The following SETBP1 variants were observed in gnomAD, a reference collection of about 807,000 sequenced individuals.
SETBP1 encodes the protein SET-binding protein.
SETBP1 carries 9 observed loss-of-function variants against 101.0 expected under a neutral mutation model. The observed-to-expected ratio is 0.09, with a 90% CI of 0.05 to 0.16. The LOEUF is 0.16. Ranked by LOEUF, SETBP1 falls within the 10% of genes least tolerant of loss-of-function variation. The pLI is 1.00. For missense variants in SETBP1, 1,858 were observed against 2,033.8 expected (o/e 0.91, Z 1.66); for synonymous variants, 818 against 788.5 (o/e 1.04, Z -0.63).
intron 3 of SETBP1, among the ~76,000 whole-genome samples, chr18:44,925,907 C>T (rs1277461963): frequency 6.6e-6 from 1 of 152,004 alleles, no homozygotes; most frequent in Non-Finnish European, 1.5e-5. Flanking sequence ...CAAGGTCATG[C>T]CACTAATTAA....
chr18:44,961,057 G>C (rs2071600457), intron 4 of SETBP1, among the ~76,000 whole-genome samples: 1 of 152,210 alleles, frequency 6.6e-6, no homozygotes, highest in Non-Finnish European at 1.5e-5. Flanking sequence ...ATGATGAGGG[G>C]CTTAGGCAGC....
intron 4 of SETBP1, among the ~76,000 whole-genome samples, chr18:45,011,498 A>G (rs533841008): frequency 6.6e-6 from 1 of 152,312 alleles, no homozygotes; most frequent in Admixed American, 6.5e-5. Flanking sequence ...TGCTTCCTTC[A>G]TCCACAGAGT....
chr18:44,844,996 CGGTGACAG>C (rs2072696764), intron 2 of SETBP1, among the ~76,000 whole-genome samples: 1 of 151,960 alleles, frequency 6.6e-6, no homozygotes, highest in Non-Finnish European at 1.5e-5. Context: ...TGATGGGAAT[CGGTGACAG>C]ACAAGGTGTG....
intron 3 of SETBP1, among the ~76,000 whole-genome samples, chr18:44,887,759 C>T (rs963263749): frequency 6.6e-6 from 1 of 152,020 alleles, no homozygotes; most frequent in Non-Finnish European, 1.5e-5. Context: ...AAAAGGCAGG[C>T]AGAAAGTAGT....
chr18:44,905,667 G>A (rs913687581), intron 3 of SETBP1, among the ~76,000 whole-genome samples: 1 of 152,178 alleles, frequency 6.6e-6, no homozygotes, highest in South Asian at 2.1e-4. Context: ...AACATTCACA[G>A]CATTCAGTAT....
intron 2 of SETBP1, among the ~76,000 whole-genome samples, chr18:44,719,674 C>A (rs2069542279): frequency 6.6e-6 from 1 of 152,214 alleles, no homozygotes; most frequent in African/African-American, 2.4e-5. Flanking sequence ...TTCTGGATAC[C>A]TGCCTTTCCT....
chr18:44,910,844 A>G (rs1223705632), intron 3 of SETBP1, among the ~76,000 whole-genome samples: 1 of 152,102 alleles, frequency 6.6e-6, no homozygotes, highest in Non-Finnish European at 1.5e-5. Context: ...TGGTCCCTCC[A>G]TGTGTTCAAG....
intron 1 of SETBP1, among the ~76,000 whole-genome samples, chr18:44,682,960 T>C (rs1035918865): frequency 2.6e-5 from 4 of 151,258 alleles, no homozygotes; most frequent in Admixed American, 1.3e-4. Context: ...AAGGGACTCG[T>C]CTCTCTTAGC....
intron 2 of SETBP1, among the ~76,000 whole-genome samples, chr18:44,860,398 G>T (rs1264763109): frequency 1.3e-5 from 2 of 152,160 alleles, no homozygotes; most frequent in African/African-American, 4.8e-5. Context: ...TACATTAGTT[G>T]TTCTTTCCAA....
chr18:44,751,837 A>G (rs1176957967), intron 2 of SETBP1, among the ~76,000 whole-genome samples: 1 of 152,196 alleles, frequency 6.6e-6, no homozygotes, highest in Non-Finnish European at 1.5e-5. Context: ...TCTGGTAGCT[A>G]GGAAGTCCAA....
chr18:44,868,934 T>A (rs1219305738), intron 2 of SETBP1, among the ~76,000 whole-genome samples: 8 of 152,182 alleles, frequency 5.3e-5, no homozygotes, highest in Admixed American at 5.2e-4. Flanking sequence ...ATGGACCTGA[T>A]GAAGGCCATC....
At chr18:44,816,712 G>A (rs758286008) in intron 2 of SETBP1, among the ~76,000 whole-genome samples, 5 of 152,114 alleles carry the variant, frequency 3.3e-5, no homozygotes, top group South Asian at 4.2e-4. Context: ...ATAGAACACC[G>A]CAGTTCAACA....
At chr18:44,979,538 C>T (rs1431980743) in intron 4 of SETBP1, among the ~76,000 whole-genome samples, 1 of 152,134 alleles carries the variant, frequency 6.6e-6, no homozygotes, top group African/African-American at 2.4e-5. Flanking sequence ...AAAGTGATCA[C>T]AAAGCTGTAT....
At chr18:44,929,615 C>A (rs2070781196) in intron 3 of SETBP1, among the ~76,000 whole-genome samples, 3 of 152,090 alleles carry the variant, frequency 2.0e-5, no homozygotes, top group Admixed American at 6.5e-5. Context: ...TTTCATTGAG[C>A]AGTGGTTTGT....
chr18:44,979,872 C>T (rs986959349), intron 4 of SETBP1, among the ~76,000 whole-genome samples: 1 of 152,156 alleles, frequency 6.6e-6, no homozygotes, highest in African/African-American at 2.4e-5. Flanking sequence ...ATTCATGTTC[C>T]TCATTTAATA....
chr18:44,814,140 G>T (rs900744109), intron 2 of SETBP1, among the ~76,000 whole-genome samples: 5 of 152,214 alleles, frequency 3.3e-5, no homozygotes, highest in Admixed American at 2.0e-4. Context: ...AGGCCAGTGG[G>T]AGTAGGGTGA....
intron 2 of SETBP1, among the ~76,000 whole-genome samples, chr18:44,743,909 T>C (rs1301331895): frequency 1.3e-5 from 2 of 152,208 alleles, no homozygotes; most frequent in African/African-American, 4.8e-5. Context: ...CAGAAGCCTT[T>C]TGTTTTCAAC....
intron 2 of SETBP1, among the ~76,000 whole-genome samples, chr18:44,795,657 G>T (rs1251486994): frequency 6.6e-6 from 1 of 152,166 alleles, no homozygotes; most frequent in Non-Finnish European, 1.5e-5. Flanking sequence ...TGTATTTTAT[G>T]TATTTTATAC....
At chr18:45,039,657 A>G (rs182143161) in intron 5 of SETBP1, among the ~76,000 whole-genome samples, 1 of 152,234 alleles carries the variant, frequency 6.6e-6, no homozygotes, top group Non-Finnish European at 1.5e-5. Context: ...TAACATATTA[A>G]TGTAAATGTG....
Sources: allele counts gnomAD v4.1 joint callset (sites outside exome capture counted in the v4.1 genomes callset), GRCh38; gene constraint gnomAD v4.1.1; transcripts MANE v1.5; gene names NCBI Gene and HGNC (gene_info 2026-07-23, HGNC 2026-07-21).